CEACAM16: variants seen among roughly 807,000 people sequenced by gnomAD.
CEACAM16 encodes CEA cell adhesion molecule 16, tectorial membrane component.
Under a neutral mutation model 39.4 loss-of-function variants are expected in CEACAM16, and 30 were observed. The ratio of observed to expected loss-of-function variants is 0.76; its 90% CI spans 0.57 to 1.03. CEACAM16 has a LOEUF of 1.03. Ranked by LOEUF, CEACAM16 falls within the 50% of genes least tolerant of loss-of-function variation. The pLI is 0.00. For synonymous variants in CEACAM16, 262 were observed against 264.9 expected (o/e 0.99, Z 0.11); for missense variants, 521 against 585.3 (o/e 0.89, Z 1.13).
intron 5 of CEACAM16, among the ~76,000 whole-genome samples, 176 bp from the exon 6 acceptor site, chr19:44,707,685 T>C (rs1273306909): frequency 6.6e-6 from 1 of 152,128 alleles, no homozygotes; most frequent in Non-Finnish European, 1.5e-5. Context: ...CAGCAGACAC[T>C]ACTGGGACCC....
At chr19:44,708,704 T>A (rs1049619341) in intron 6 of CEACAM16, among the ~76,000 whole-genome samples, 2 of 152,106 alleles carry the variant, frequency 1.3e-5, no homozygotes, top group Non-Finnish European at 2.9e-5. Context: ...TTTCTATTAT[T>A]GTGAGGGCAA....
At chr19:44,702,558 G>A (rs538546547) in intron 2 of CEACAM16, among the ~76,000 whole-genome samples, 51 of 152,374 alleles carry the variant, frequency 3.3e-4, no homozygotes, top group Admixed American at 1.2e-3. Flanking sequence ...CAAACCACAC[G>A]TCATTCAAAC....
chr19:44,706,886 T>A (rs1364768403), intron 5 of CEACAM16, among the ~76,000 whole-genome samples: 1 of 152,170 alleles, frequency 6.6e-6, no homozygotes, highest in Non-Finnish European at 1.5e-5. Flanking sequence ...GACGCCACCC[T>A]CCCTCCACCT....
In CEACAM16 at chr19:44,707,938, G is replaced by A. The variant is rs1470923918; in HGVS notation, c.1018G>A (p.Gly340Ser). The A allele has an allele frequency of 1.1e-5, 17 of 1,599,962 alleles. No individual in the cohort carries two copies. The highest frequency in any genetic ancestry group is 1.3e-5 in the Non-Finnish European group (15 of 1,171,288). The change falls in exon 6 of 7, where the codon GGC becomes AGC. Residue 340 changes from glycine to serine, a missense_variant. Transcript: ENST00000587331. ...EGQDVTLTVQ[G>S]YPKDLLVYAW... ...CCAGGACGTAACACTGACCGTGCAG[G>A]GCTACCCCAAGGACCTGCTGGTCTA...
At chr19:44,708,247 C>A in intron 6 of CEACAM16, 60 bp downstream of exon 6, 1 of 1,420,818 alleles carries the variant, frequency 7.0e-7, no homozygotes, top group Non-Finnish European at 9.4e-7. Context: ...CCAAAAGGAG[C>A]CTTTGCTTCC....
chr19:44,707,035 A>C (rs1036013374), intron 5 of CEACAM16, among the ~76,000 whole-genome samples: 8 of 152,214 alleles, frequency 5.3e-5, no homozygotes, highest in African/African-American at 1.7e-4. Flanking sequence ...GTCAGTAATG[A>C]GGGAGATATG....
Position 44,708,287 on chromosome 19 carries a change from G to C in CEACAM16, c.1267+100G>C, listed in dbSNP as rs1974484556. ...TCAGGCTGGGGGGACATAGACCAAA[G>C]ATGGATACCCATCCCCCATCAGGCT... is the stretch of plus-strand genomic sequence containing the variant. On this transcript the variant is annotated intron_variant, in intron 6 of 6. Coordinates refer to ENST00000587331, the MANE Select transcript of CEACAM16 (RefSeq NM_001039213.4). 4.2e-6 allele frequency: 5 copies of C among 1,191,056 alleles called. No homozygotes were observed. The East Asian group carries it at 1.3e-4, about 31-fold the overall frequency. The allele number at this position is 1,191,056 out of a possible 1,614,324, so 73.8% of individuals were successfully genotyped here.
Position 44,699,151 on chromosome 19 carries a change from C to A in CEACAM16, c.-206C>A. 1 of 494,454 alleles carries A rather than the reference C, an allele frequency of 2.0e-6. No individual in the cohort carries two copies. The highest frequency in any genetic ancestry group is 2.3e-5 in the Admixed American group (1 of 44,328). 30.6% of individuals were successfully genotyped at this position (494,454 alleles called of 1,614,324 possible). The stretch of plus-strand genomic sequence containing the variant: ...GGGATTTCATCCGTCTTGTGCACGG[C>A]TGCATCCTCAGCGCCTAGAACAGCA... On this transcript the variant is annotated 5_prime_UTR_variant, in exon 1 of 7. It adds an upstream start codon to the 5' untranslated region. Transcript: ENST00000587331.
chr19:44,709,380 G>A (rs1974500976), intron 6 of CEACAM16, among the ~76,000 whole-genome samples: 1 of 150,722 alleles, frequency 6.6e-6, no homozygotes, highest in Non-Finnish European at 1.5e-5. Flanking sequence ...GGAGCTCCCA[G>A]AGTCAGGGTC....
intron 6 of CEACAM16, 90 bp from the exon 7 acceptor site, chr19:44,710,406 C>G (rs1295167162): frequency 6.9e-7 from 1 of 1,456,582 alleles, no homozygotes; most frequent in Non-Finnish European, 9.4e-7. Context: ...CCGGGGTGGG[C>G]AGGGGAGCAG....
chr19:44,702,305 C>A (rs1453157377), intron 2 of CEACAM16, among the ~76,000 whole-genome samples: 1 of 150,684 alleles, frequency 6.6e-6, no homozygotes, highest in African/African-American at 2.4e-5. Flanking sequence ...AAAAAAAAAA[C>A]AACCCCAAAC....
chr19:44,703,375 A>G lies in CEACAM16; in HGVS notation c.64A>G (p.Ile22Val). The change falls in exon 3 of 7, where the codon ATC becomes GTC. Residue 22 changes from isoleucine (I) to valine (V), a missense_variant. Transcript: ENST00000587331. ...SATFLNVGAE[I>V]SITLEPAQPS... is the part of the protein sequence containing the mutation. Reference sequence around the variant, plus strand: ...CACATTCCTGAATGTGGGGGCCGAGATCTCTATCACCCTGGAGCCTGCCCA... The same window carrying G: ...CACATTCCTGAATGTGGGGGCCGAGGTCTCTATCACCCTGGAGCCTGCCCA... 1 of 1,610,434 alleles carries G rather than the reference A, an allele frequency of 6.2e-7. No individual in the cohort carries two copies. Among genetic ancestry groups the G allele is most frequent in the Non-Finnish European group, 8.5e-7 (1 of 1,177,256 alleles).
At chr19:44,703,766 T>TAAA in intron 3 of CEACAM16, 73 bp downstream of exon 3, 11 of 899,606 alleles carry the variant, frequency 1.2e-5, no homozygotes, top group Admixed American at 3.9e-5. Context: ...TTCTTTTTTT[T>TAAA]AAAAAAAAAA....
Position 44,708,009 on chromosome 19 carries a change from C to T in CEACAM16, c.1089C>T (p.Ser363=), listed in dbSNP as rs531106497. The T allele has an allele frequency of 2.2e-5, 36 of 1,610,294 alleles. No homozygotes were observed. In the East Asian group the frequency reaches 7.8e-4, roughly 35 times the overall value. The change falls in exon 6 of 7, where the codon AGC becomes AGT. Residue 363 remains serine (S), a synonymous_variant. Transcript: ENST00000587331. ...GPASEPNRLL[S]QLPSGTWIAG... is the part of the protein sequence containing the mutation. ...CCTCCGAGCCCAACCGGCTGCTCAG[C>T]CAGCTGCCGTCAGGAACCTGGATTG...
Position 44,704,043 on chromosome 19 carries a change from G to A in CEACAM16, c.408G>A (p.Leu136=). ...AGATCCTGGCCCAGCCCACAGTCTTGGCCAACAGCACAGCGCTGGTGGAAC... is the reference window on the plus strand; with the variant it reads ...AGATCCTGGCCCAGCCCACAGTCTTAGCCAACAGCACAGCGCTGGTGGAAC... ...VHEILAQPTV[L]ANSTALVERR... The change falls in exon 4 of 7, where the codon TTG becomes TTA. Residue 136 remains leucine, a synonymous_variant. Coordinates refer to ENST00000587331, the MANE Select transcript of CEACAM16 (RefSeq NM_001039213.4). 1 of 1,605,134 alleles carries A rather than the reference G, an allele frequency of 6.2e-7. No homozygotes were observed.
chr19:44,706,204 C>A (rs1005844344), intron 5 of CEACAM16, among the ~76,000 whole-genome samples: 2 of 151,414 alleles, frequency 1.3e-5, no homozygotes, highest in African/African-American at 4.9e-5. Context: ...CACCCCACCA[C>A]ACAGACAGCT....
At position 44,710,492 on chromosome 19, in the gene CEACAM16, A is replaced by G; in HGVS notation, c.1268-4A>G. Reference sequence around the variant, plus strand: ...TTCGCCCCCTCGCCCCATATGCCCCACAGCCCTGGGGTAACAGCGTGACCC... The same window carrying G: ...TTCGCCCCCTCGCCCCATATGCCCCGCAGCCCTGGGGTAACAGCGTGACCC... On this transcript the variant is annotated splice_region_variant and splice_polypyrimidine_tract_variant and intron_variant, in intron 6 of 6. Transcript: ENST00000587331. 6.2e-7 allele frequency: 1 copy of G among 1,612,824 alleles called. No individual in the cohort carries two copies. Among genetic ancestry groups the G allele is most frequent in the African/African-American group, 1.3e-5 (1 of 75,012 alleles).
intron 1 of CEACAM16, among the ~76,000 whole-genome samples, chr19:44,699,850 G>A (rs993140688): frequency 1.3e-4 from 20 of 152,150 alleles, no homozygotes; most frequent in African/African-American, 4.1e-4. Flanking sequence ...TTTTGAAATG[G>A]AGTCTTGCTC....
rs770119238 is a variant in CEACAM16, at chr19:44,705,751, C to G, written c.823C>G (p.Gln275Glu). 1.2e-6 allele frequency: 2 copies of G among 1,614,016 alleles called. No homozygotes were observed. Among genetic ancestry groups the G allele is most frequent in the Non-Finnish European group, 1.7e-6 (2 of 1,179,886 alleles). The stretch of plus-strand genomic sequence containing the variant: ...CAACGGGCAGGCCCTAAAGAACGGC[C>G]AAGACCACCTCAACATCAGCAGCAT... ...TFNGQALKNGQDHLNISSMTA... is the reference protein window; with the variant it reads ...TFNGQALKNGEDHLNISSMTA... The change falls in exon 5 of 7, where the codon CAA becomes GAA. Residue 275 changes from glutamine (Q) to glutamate (E), a missense_variant. Physicochemically the swap from Gln to Glu is conservative, Grantham distance 29 (BLOSUM62 2). Coordinates refer to ENST00000587331, the MANE Select transcript of CEACAM16 (RefSeq NM_001039213.4).
Sources: allele counts gnomAD v4.1 joint callset (sites outside exome capture counted in the v4.1 genomes callset), GRCh38; gene constraint gnomAD v4.1.1; transcripts MANE v1.5; gene names NCBI Gene and HGNC (gene_info 2026-07-23, HGNC 2026-07-21).